TBC1D22A: variants seen among roughly 807,000 people sequenced by gnomAD.
The protein encoded by TBC1D22A is putative GTPase activator.
A neutral mutation model predicts 60.2 loss-of-function variants in TBC1D22A; 38 were observed. The observed-to-expected ratio is 0.63, with a 90% CI of 0.49 to 0.83. The LOEUF (loss-of-function observed/expected upper bound fraction) is 0.83. Among genes scored for constraint, TBC1D22A ranks in the 40% least tolerant of loss-of-function variants. TBC1D22A has a pLI of 0.00. For synonymous variants in TBC1D22A, 302 were observed against 281.7 expected, an observed-to-expected ratio of 1.07 and a Z score of -0.72; for missense variants, 628 against 701.0, an observed-to-expected ratio of 0.90 and a Z score of 1.18.
chr22:46,803,434 T>C (rs1345098782), intron 4 of TBC1D22A, among the ~76,000 whole-genome samples: 1 of 152,032 alleles, frequency 6.6e-6, no homozygotes, highest in Non-Finnish European at 1.5e-5. Flanking sequence ...TTGTTGGAGA[T>C]CTCGCTTCTG....
At chr22:47,027,251 T>C (rs2062286279) in intron 10 of TBC1D22A, among the ~76,000 whole-genome samples, 1 of 152,268 alleles carries the variant, frequency 6.6e-6, no homozygotes, top group South Asian at 2.1e-4. Context: ...GAGTTTGAAT[T>C]CATATTTTGT....
chr22:46,832,072 C>T (rs550197636), intron 4 of TBC1D22A, among the ~76,000 whole-genome samples: 4 of 152,282 alleles, frequency 2.6e-5, no homozygotes, highest in African/African-American at 9.6e-5. Flanking sequence ...TTTGAGTCAA[C>T]TTCTCGGCTT....
chr22:47,126,350 C>T (rs991809355), intron 12 of TBC1D22A, among the ~76,000 whole-genome samples: 4 of 152,222 alleles, frequency 2.6e-5, no homozygotes, highest in African/African-American at 9.6e-5. Flanking sequence ...GCCATGATCC[C>T]CTTCCCCTGT....
At chr22:47,161,158 A>G (rs1276313877) in intron 12 of TBC1D22A, among the ~76,000 whole-genome samples, 1 of 152,164 alleles carries the variant, frequency 6.6e-6, no homozygotes, top group African/African-American at 2.4e-5. Context: ...CTAGAAAGAG[A>G]CGGTGCCTGG....
intron 4 of TBC1D22A, among the ~76,000 whole-genome samples, chr22:46,867,138 G>GT (rs2067093477): frequency 6.6e-6 from 1 of 152,220 alleles, no homozygotes; most frequent in African/African-American, 2.4e-5. Context: ...ACGTGACCAA[G>GT]TATCTGTAGA....
intron 7 of TBC1D22A, among the ~76,000 whole-genome samples, chr22:46,902,795 G>A (rs1003557678): frequency 2.0e-5 from 3 of 150,348 alleles, no homozygotes; most frequent in Non-Finnish European, 4.4e-5. Context: ...ACAGACACCC[G>A]GTGGGCACGT....
At chr22:47,158,238 A>G (rs932014872) in intron 12 of TBC1D22A, among the ~76,000 whole-genome samples, 5 of 152,130 alleles carry the variant, frequency 3.3e-5, no homozygotes, top group African/African-American at 1.2e-4. Flanking sequence ...CATACTAGAA[A>G]CTTAGCAGGA....
chr22:47,057,071 G>A (rs1010198026), intron 11 of TBC1D22A, among the ~76,000 whole-genome samples: 6 of 152,214 alleles, frequency 3.9e-5, no homozygotes, highest in African/African-American at 9.6e-5. Flanking sequence ...CCTTAGCCCC[G>A]GGTCTGTGGC....
At chr22:46,829,032 G>C (rs2086192411) in intron 4 of TBC1D22A, among the ~76,000 whole-genome samples, 1 of 152,178 alleles carries the variant, frequency 6.6e-6, no homozygotes, top group African/African-American at 2.4e-5. Context: ...TCTGGGATGA[G>C]AGCCCAGATG....
intron 12 of TBC1D22A, among the ~76,000 whole-genome samples, chr22:47,120,386 G>A (rs1393603479): frequency 1.3e-5 from 2 of 152,146 alleles, no homozygotes; most frequent in Admixed American, 6.5e-5. Flanking sequence ...GTTCAGCGAA[G>A]GCTCCTTGTC....
chr22:46,954,409 G>A (rs953107188), intron 8 of TBC1D22A, among the ~76,000 whole-genome samples: 5 of 152,338 alleles, frequency 3.3e-5, no homozygotes, highest in African/African-American at 4.8e-5. Flanking sequence ...TTGAATGAAC[G>A]AATTGGATTT....
In TBC1D22A at chr22:46,777,472, A is replaced by G. The variant is rs1311680554; in HGVS notation, c.62+14624A>G. Among the ~76,000 whole-genome samples, 1 of 152,010 alleles carries G rather than the reference A, an allele frequency of 6.6e-6. No individual in the cohort carries two copies. Among genetic ancestry groups the G allele is most frequent in the Non-Finnish European group, 1.5e-5 (1 of 67,998 alleles). On this transcript the variant is annotated intron_variant, in intron 1 of 12. Transcript: ENST00000337137. This position sits in a 1 kb window ranked among gnomAD's most constrained non-coding sequence, Gnocchi z 4.5. ...GGTGGATTCGTGGCTGAGAGTTGGC[A>G]GTGGTTTTGCTTGGAGGCACGTGTT...
At chr22:47,067,218 A>T (rs2063806604) in intron 11 of TBC1D22A, among the ~76,000 whole-genome samples, 1 of 152,192 alleles carries the variant, frequency 6.6e-6, no homozygotes, top group African/African-American at 2.4e-5. Flanking sequence ...GTGAGCCGAG[A>T]TGGTGCCACT....
intron 8 of TBC1D22A, among the ~76,000 whole-genome samples, chr22:46,956,704 C>T (rs1482186403): frequency 2.6e-5 from 4 of 152,236 alleles, no homozygotes; most frequent in Admixed American, 6.5e-5. Context: ...CTGTGGGGCG[C>T]GTTCCCCTCA....
chr22:46,770,588 G>A (rs996345880), intron 1 of TBC1D22A, among the ~76,000 whole-genome samples: 2 of 152,198 alleles, frequency 1.3e-5, no homozygotes, highest in African/African-American at 2.4e-5. Flanking sequence ...CTTGGTCAGC[G>A]GCCTTGGGGG....
chr22:46,833,566 G>A (rs1156844279), intron 4 of TBC1D22A, among the ~76,000 whole-genome samples: 1 of 152,216 alleles, frequency 6.6e-6, no homozygotes, highest in African/African-American at 2.4e-5. Flanking sequence ...ACTCGTGGGG[G>A]TGATAAGACT....
chr22:46,987,065 G>T (rs1350885759), intron 9 of TBC1D22A, among the ~76,000 whole-genome samples: 1 of 152,190 alleles, frequency 6.6e-6, no homozygotes, highest in Non-Finnish European at 1.5e-5. Context: ...CAGACCTCTT[G>T]CTGGATGGTA....
chr22:46,794,679 G>A (rs938742824), intron 3 of TBC1D22A, among the ~76,000 whole-genome samples: 13 of 152,238 alleles, frequency 8.5e-5, no homozygotes, highest in Non-Finnish European at 1.6e-4. Context: ...AGCGTGCTGG[G>A]AGGCAGCAGG....
chr22:47,114,629 C>T (rs1015748428), intron 12 of TBC1D22A, among the ~76,000 whole-genome samples: 12 of 152,014 alleles, frequency 7.9e-5, no homozygotes, highest in South Asian at 2.1e-4. Flanking sequence ...GCCACCTGAG[C>T]GAGTAGGGCC....
Sources: allele counts gnomAD v4.1 joint callset (sites outside exome capture counted in the v4.1 genomes callset), GRCh38; gene constraint gnomAD v4.1.1; non-coding constraint Gnocchi (gnomAD v3.1); transcripts MANE v1.5; gene names NCBI Gene and HGNC (gene_info 2026-07-23, HGNC 2026-07-21).